The following NEGR1 variants were observed in gnomAD, a reference collection of about 807,000 sequenced individuals.
NEGR1 encodes neuronal growth regulator 1, also known as IgLON family member 4.
NEGR1 carries 10 observed loss-of-function variants against 40.9 expected under a neutral mutation model. The observed-to-expected ratio is 0.24, with a 90% CI of 0.15 to 0.42. NEGR1 has a LOEUF of 0.42. Among genes scored for constraint, NEGR1 ranks in the 10% least tolerant of loss-of-function variants. The pLI is 1.00. For synonymous variants in NEGR1, 185 were observed against 166.8 expected (o/e 1.11, Z -0.84); for missense variants, 352 against 438.9 (o/e 0.80, Z 1.77).
intron 3 of NEGR1, among the ~76,000 whole-genome samples, chr1:71,709,258 G>T (rs1200689970): frequency 1.3e-5 from 2 of 152,150 alleles, no homozygotes; most frequent in Non-Finnish European, 2.9e-5. Context: ...TCTCTGCGGA[G>T]AATTTTGTGG....
At chr1:71,998,700 T>A (rs1646527440) in intron 1 of NEGR1, among the ~76,000 whole-genome samples, 1 of 151,514 alleles carries the variant, frequency 6.6e-6, no homozygotes, top group South Asian at 2.1e-4. Flanking sequence ...ACATTTTATA[T>A]AGAGATATAA....
In NEGR1 at chr1:71,738,359, T is replaced by C. The variant is rs1237169711; in HGVS notation, c.535+37813A>G. ...AACAAGAAACATCCCCAGTGACAAC[T>C]GCAAATAAAGATCTGCTTGATTTGA... On this transcript the variant is annotated intron_variant, in intron 3 of 6. Transcript: ENST00000357731. 1.4e-5 allele frequency: 3 copies of C among 219,672 alleles called. No homozygotes were observed. The South Asian group carries it at 2.7e-4, about 20-fold the overall frequency. The allele number at this position is 219,672 out of a possible 1,614,324, so 13.6% of individuals were successfully genotyped here.
intron 6 of NEGR1, among the ~76,000 whole-genome samples, chr1:71,467,204 G>T (rs1410258378): frequency 1.3e-5 from 2 of 152,104 alleles, no homozygotes; most frequent in Non-Finnish European, 2.9e-5. Context: ...AGGTTAGTCA[G>T]TAAGTTAAAT....
intron 6 of NEGR1, among the ~76,000 whole-genome samples, chr1:71,503,409 GC>G (rs1307872968): frequency 1.3e-5 from 2 of 152,068 alleles, no homozygotes; most frequent in African/African-American, 4.8e-5. Context: ...TACAATGCTT[GC>G]CCCCTCCATA....
chr1:71,456,081 A>G lies in NEGR1; in HGVS notation c.941-48511T>C, dbSNP rs556190900. 3.3e-5 allele frequency among the ~76,000 whole-genome samples: 5 copies of G among 152,292 alleles called. No homozygotes were observed. In the South Asian group the frequency reaches 8.3e-4, roughly 25 times the overall value. ...AGCTATATAACCAAAATTTCAAACTATAGTTAAATTAGATGACTTCCAAGA... is the reference window on the plus strand; with the variant it reads ...AGCTATATAACCAAAATTTCAAACTGTAGTTAAATTAGATGACTTCCAAGA... On this transcript the variant is annotated intron_variant, in intron 6 of 6. Transcript: ENST00000357731.
intron 3 of NEGR1, among the ~76,000 whole-genome samples, chr1:71,711,088 C>T (rs2101642967): frequency 6.6e-6 from 1 of 151,704 alleles, no homozygotes; most frequent in South Asian, 2.1e-4. Flanking sequence ...TTAAAGAAGA[C>T]ACCCAATGGG....
chr1:71,915,112 T>C (rs1233591214), intron 2 of NEGR1, among the ~76,000 whole-genome samples: 2 of 152,154 alleles, frequency 1.3e-5, no homozygotes, highest in African/African-American at 2.4e-5. Context: ...TTTTTTTTAA[T>C]GTTTTGTCAG....
At chr1:71,545,899 T>C (rs2101462937) in intron 6 of NEGR1, among the ~76,000 whole-genome samples, 1 of 151,814 alleles carries the variant, frequency 6.6e-6, no homozygotes, top group South Asian at 2.1e-4. Context: ...CATTTGCTAC[T>C]TTCCTCTCTG....
chr1:72,221,240 A>T (rs1654003057), intron 1 of NEGR1, among the ~76,000 whole-genome samples: 1 of 152,064 alleles, frequency 6.6e-6, no homozygotes, highest in African/African-American at 2.4e-5. Flanking sequence ...TAAGGATTCT[A>T]ATCATTGATA....
intron 1 of NEGR1, among the ~76,000 whole-genome samples, chr1:72,120,992 T>C (rs542750356): frequency 2.0e-5 from 3 of 152,246 alleles, no homozygotes; most frequent in East Asian, 1.9e-4. Context: ...TTACAACAAA[T>C]GTTTGCACTT....
At chr1:71,521,709 G>A (rs1167379365) in intron 6 of NEGR1, among the ~76,000 whole-genome samples, 3 of 152,094 alleles carry the variant, frequency 2.0e-5, no homozygotes, top group South Asian at 4.1e-4. Context: ...GTGTATAGGA[G>A]CAACTCTTGT....
chr1:72,121,099 A>C (rs1230824104), intron 1 of NEGR1, among the ~76,000 whole-genome samples: 1 of 151,694 alleles, frequency 6.6e-6, no homozygotes, highest in Non-Finnish European at 1.5e-5. Context: ...TCTTTTTTGT[A>C]CTTTTTGTAT....
At chr1:72,252,811 A>C (rs2100532830) in intron 1 of NEGR1, among the ~76,000 whole-genome samples, 1 of 152,332 alleles carries the variant, frequency 6.6e-6, no homozygotes, top group African/African-American at 2.4e-5. Context: ...TATTTAACAT[A>C]TAAATTTATG....
chr1:72,073,799 T>C (rs112707409), intron 1 of NEGR1, among the ~76,000 whole-genome samples: 3 of 151,004 alleles, frequency 2.0e-5, no homozygotes, highest in Admixed American at 2.0e-4. Flanking sequence ...ATCATTTTTT[T>C]TCCAAAAAAA....
intron 1 of NEGR1, among the ~76,000 whole-genome samples, chr1:71,995,595 G>C (rs908462057): frequency 6.6e-6 from 1 of 152,078 alleles, no homozygotes; most frequent in African/African-American, 2.4e-5. Context: ...CTATTCCGAA[G>C]TATCACTACA....
At chr1:72,003,855 AT>A (rs1280264277) in intron 1 of NEGR1, among the ~76,000 whole-genome samples, 3 of 152,134 alleles carry the variant, frequency 2.0e-5, no homozygotes, top group Admixed American at 2.0e-4. Context: ...TAATTTATTT[AT>A]TTTTGTGATA....
At chr1:71,962,168 C>T (rs372663179) in intron 1 of NEGR1, among the ~76,000 whole-genome samples, 3 of 151,884 alleles carry the variant, frequency 2.0e-5, no homozygotes, top group African/African-American at 7.3e-5. Flanking sequence ...ATTATTACAC[C>T]CTCTTTCCTG....
At chr1:71,865,019 A>C (rs559796942) in intron 2 of NEGR1, among the ~76,000 whole-genome samples, 1 of 152,288 alleles carries the variant, frequency 6.6e-6, no homozygotes, top group Non-Finnish European at 1.5e-5. Context: ...GTTTTTAGAG[A>C]GGACAGTTTC....
chr1:72,111,499 T>C (rs1649369730), intron 1 of NEGR1, among the ~76,000 whole-genome samples: 2 of 151,704 alleles, frequency 1.3e-5, no homozygotes, highest in African/African-American at 4.8e-5. Context: ...AAAGTGCTGC[T>C]TATTAAATCA....
Sources: allele counts gnomAD v4.1 joint callset (sites outside exome capture counted in the v4.1 genomes callset), GRCh38; gene constraint gnomAD v4.1.1; transcripts MANE v1.5; gene names NCBI Gene and HGNC (gene_info 2026-07-23, HGNC 2026-07-21).